The following MSN variants were observed in gnomAD, a reference collection of about 807,000 sequenced individuals.
MSN encodes the protein moesin.
MSN carries 2 observed loss-of-function variants against 48.0 expected under a neutral mutation model. The observed-to-expected ratio is 0.04, with a 90% CI of 0.02 to 0.13. The LOEUF (loss-of-function observed/expected upper bound fraction) is 0.13, where lower values mean the gene tolerates loss of function less well. Ranked by LOEUF, MSN falls within the 10% of genes least tolerant of loss-of-function variation. The pLI, the probability that MSN is intolerant of heterozygous loss-of-function variation, is 1.00. For synonymous variants in MSN, 146 were observed against 166.9 expected, an observed-to-expected ratio of 0.87 and a Z score of 0.97; for missense variants, 267 against 470.1, an observed-to-expected ratio of 0.57 and a Z score of 3.99.
rs1435171223 is a variant in MSN, at chrX:65,622,757, A to G, written c.-22+34145A>G. Among the ~76,000 whole-genome samples, 4 of 110,416 alleles carry G rather than the reference A, an allele frequency of 3.6e-5. No individual in the cohort carries two copies. The Admixed American group carries it at 3.9e-4, about 11-fold the overall frequency. On this transcript the variant is annotated intron_variant, in intron 1 of 3. Coordinates refer to the MSN transcript ENST00000609672. ...ATCTTGAACTCCTGACCTCAAGTCT[A>G]GCCTCGGCCTCCCAAAGTGCTGGGA...
chrX:65,696,412 G>T (rs1050970349), intron 1 of MSN, among the ~76,000 whole-genome samples: 2 of 111,906 alleles, frequency 1.8e-5, no homozygotes, highest in African/African-American at 6.5e-5. Context: ...TCCAGATCTT[G>T]CTAGAATAGT....
chrX:65,679,663 G>A (rs763676880), intron 1 of MSN, among the ~76,000 whole-genome samples: 1 of 112,499 alleles, frequency 8.9e-6, no homozygotes, highest in South Asian at 3.6e-4. Flanking sequence ...CACTGGATCT[G>A]TTTTTACCCA....
rs1283674641 is a variant in MSN at position 65,615,008 on chromosome X, T to G, written c.-22+26396T>G. ...CTGAGAATGATGATTTCCAATTTCA[T>G]CCATGTCCCTACAAAGGACATGAAC... On this transcript the variant is annotated intron_variant, in intron 1 of 3. Transcript: ENST00000609672. 6.0e-5 allele frequency among the ~76,000 whole-genome samples: 6 copies of G among 99,775 alleles called. No individual in the cohort carries two copies. The Admixed American group carries it at 6.7e-4, about 11-fold the overall frequency. 86.6% of individuals were successfully genotyped at this position (99,775 alleles called of 115,157 possible).
At chrX:65,612,710 G>A (rs2070330888) in intron 1 of MSN, among the ~76,000 whole-genome samples, 1 of 108,869 alleles carries the variant, frequency 9.2e-6, no homozygotes, top group Admixed American at 9.9e-5. Flanking sequence ...ACAGACACAT[G>A]CCCCCACACC....
intron 2 of MSN, among the ~76,000 whole-genome samples, chrX:65,724,076 C>T (rs1443647955): frequency 9.2e-6 from 1 of 108,715 alleles, no homozygotes; most frequent in Non-Finnish European, 1.9e-5. Context: ...TATTACTTTG[C>T]CCAACTTCTC....
At chrX:65,706,191 G>A (rs778068386) in intron 1 of MSN, among the ~76,000 whole-genome samples, 1 of 111,677 alleles carries the variant, frequency 9.0e-6, no homozygotes, top group South Asian at 3.7e-4. Context: ...CATCCAGAGA[G>A]GCAAAACAGA....
intron 1 of MSN, among the ~76,000 whole-genome samples, chrX:65,635,629 C>T (rs1191743366): frequency 2.7e-5 from 3 of 112,133 alleles, no homozygotes; most frequent in Non-Finnish European, 3.8e-5. Context: ...GAAGGCGTGT[C>T]TATCCCCTCC....
At chrX:65,620,863 T>C (rs2148360175) in intron 1 of MSN, among the ~76,000 whole-genome samples, 1 of 110,226 alleles carries the variant, frequency 9.1e-6, no homozygotes, top group South Asian at 3.9e-4. Flanking sequence ...TTATGAAGAT[T>C]TTCACTTTTT....
intron 1 of MSN, among the ~76,000 whole-genome samples, chrX:65,700,642 A>T: frequency 8.9e-6 from 1 of 112,098 alleles, no homozygotes; most frequent in South Asian, 3.7e-4. Context: ...AGCTAGCCAG[A>T]CAGACTTGGC....
At chrX:65,603,791 C>T (rs1444373808) in intron 1 of MSN, among the ~76,000 whole-genome samples, 1 of 111,643 alleles carries the variant, frequency 9.0e-6, no homozygotes, top group Non-Finnish European at 1.9e-5. Context: ...GTTATGTTAG[C>T]AGGCTCTTGT....
intron 1 of MSN, among the ~76,000 whole-genome samples, chrX:65,660,645 C>A (rs1290940408): frequency 9.3e-6 from 1 of 107,289 alleles, no homozygotes; most frequent in Non-Finnish European, 1.9e-5. Context: ...CGGCTCACTG[C>A]AACCTCCACC....
chrX:65,722,395 G>A (rs1024705224), intron 2 of MSN, among the ~76,000 whole-genome samples: 2 of 96,913 alleles, frequency 2.1e-5, no homozygotes, highest in African/African-American at 4.6e-5. Context: ...TCCTCTAGGC[G>A]TGCACGCTCG....
In MSN at chrX:65,740,278, GTCT is replaced by G; in HGVS notation, c.*391_*393del. The G allele has an allele frequency of 5.2e-6, 1 of 192,290 alleles. No homozygotes were observed. Among genetic ancestry groups the G allele is most frequent in the Middle Eastern group, 1.6e-3 (1 of 621 alleles). 15.8% of individuals were successfully genotyped at this position (192,290 alleles called of 1,213,427 possible). ...AGCTCCCCTCCTCTCCCCTACCACT[GTCT>G]TCTTCAGGGTCCTGAGATTTACACG... On this transcript the variant is annotated 3_prime_UTR_variant, in exon 13 of 13. Transcript: ENST00000360270.
At chrX:65,615,069 G>A (rs1220806549) in intron 1 of MSN, among the ~76,000 whole-genome samples, 2 of 105,654 alleles carry the variant, frequency 1.9e-5, no homozygotes, top group African/African-American at 7.0e-5. Flanking sequence ...ATTCCATGGT[G>A]TATATGTGCC....
intron 1 of MSN, among the ~76,000 whole-genome samples, chrX:65,606,135 G>GTT (rs374751324): frequency 3.1e-5 from 3 of 95,336 alleles, no homozygotes; most frequent in Admixed American, 1.2e-4. Context: ...TTGTTTTTAT[G>GTT]TTTTTTTTTT....
In MSN at chrX:65,619,988, C is replaced by A. The variant is rs780477892; in HGVS notation, c.-22+31376C>A. ...GGCCGTGTGAGGTGTCAGTGTGCCC[C>A]TGCTGGGGGGTGCCTCCCAGTTAGG... On this transcript the variant is annotated intron_variant, in intron 1 of 3. Transcript: ENST00000609672. Among the ~76,000 whole-genome samples, 694 of 111,629 alleles carry A rather than the reference C, an allele frequency of 6.2e-3. 6 individuals carry two copies. Among genetic ancestry groups the A allele is most frequent in the African/African-American group, 0.02 (619 of 30,606 alleles).
At chrX:65,638,107 T>C (rs190085474) in intron 1 of MSN, among the ~76,000 whole-genome samples, 3 of 112,396 alleles carry the variant, frequency 2.7e-5, no homozygotes, top group African/African-American at 9.7e-5. Context: ...ATTCAACAGG[T>C]GATAACCACA....
chrX:65,651,316 T>TAA lies in MSN; in HGVS notation c.-22+62718_-22+62719dup, dbSNP rs202012665. ...CCGGGGGACAGAGTGAGACTCTATC[T>TAA]AAAAAAAAAAAAAAAGAAAGAAAGA... On this transcript the variant is annotated intron_variant, in intron 1 of 3. Coordinates refer to the MSN transcript ENST00000609672. Among the ~76,000 whole-genome samples the TAA allele has an allele frequency of 1.7e-4, 13 of 77,050 alleles. No individual in the cohort carries two copies. In the East Asian group the frequency reaches 2.3e-3, roughly 14 times the overall value. 66.9% of individuals were successfully genotyped at this position (77,050 alleles called of 115,157 possible). A position where few individuals can be genotyped will look rare whatever the true frequency, so the allele number is the denominator to read the frequency against.
intron 1 of MSN, among the ~76,000 whole-genome samples, chrX:65,680,383 A>T (rs2071042733): frequency 8.9e-6 from 1 of 112,212 alleles, no homozygotes; most frequent in Admixed American, 9.5e-5. Context: ...CTAAAAACTT[A>T]GATAAATGCT....
Sources: allele counts gnomAD v4.1 joint callset (sites outside exome capture counted in the v4.1 genomes callset), GRCh38; gene constraint gnomAD v4.1.1; transcripts MANE v1.5; gene names NCBI Gene and HGNC (gene_info 2026-07-23, HGNC 2026-07-21).